Variants in LRP1B observed in about 807,000 individuals in gnomAD.
LRP1B encodes low-density lipoprotein receptor-related protein 1B.
Under a neutral mutation model 556.6 loss-of-function variants are expected in LRP1B, and 217 were observed. The ratio of observed to expected loss-of-function variants is 0.39; its 90% CI spans 0.35 to 0.44. The LOEUF (loss-of-function observed/expected upper bound fraction) is 0.44, where lower values mean the gene tolerates loss of function less well. Ranked by LOEUF, LRP1B falls within the 20% of genes least tolerant of loss-of-function variation. The pLI is 1.00. For missense variants in LRP1B, 5,053 were observed against 5,620.8 expected (o/e 0.90, Z 3.23); for synonymous variants, 2,047 against 1,865.8 (o/e 1.10, Z -2.50).
chr2:141,421,835 C>A (rs1317186042), intron 3 of LRP1B, among the ~76,000 whole-genome samples: 2 of 152,186 alleles, frequency 1.3e-5, no homozygotes, highest in African/African-American at 2.4e-5. Context: ...CCAATGATCT[C>A]ATTTTTAAGA....
At chr2:140,934,515 A>T (rs1695146588) in intron 20 of LRP1B, among the ~76,000 whole-genome samples, 1 of 152,114 alleles carries the variant, frequency 6.6e-6, no homozygotes, top group Non-Finnish European at 1.5e-5. Flanking sequence ...TAAGCCTTAG[A>T]TGGTAAATTG....
chr2:140,893,795 T>C (rs913709546), intron 23 of LRP1B, among the ~76,000 whole-genome samples: 1 of 152,164 alleles, frequency 6.6e-6, no homozygotes, highest in Admixed American at 6.5e-5. Flanking sequence ...GAACGGAATA[T>C]GTGAAGAAGA....
rs116145829 is a variant in LRP1B at position 141,826,812 on chromosome 2, A to G, written c.83-16411T>C. Among the ~76,000 whole-genome samples the G allele has an allele frequency of 2.9e-3, 448 of 152,352 alleles. 2 individuals are homozygous for G. The highest frequency in any genetic ancestry group is 0.01 in the African/African-American group (428 of 41,574). On this transcript the variant is annotated intron_variant, in intron 1 of 90. Transcript: ENST00000389484. ...TTATTTATAGAATGTTTATGCACTTAGACAAATTGCCCTCCAAATATAGAG... is the reference window on the plus strand; with the variant it reads ...TTATTTATAGAATGTTTATGCACTTGGACAAATTGCCCTCCAAATATAGAG...
At chr2:141,213,043 T>G (rs992372319) in intron 6 of LRP1B, among the ~76,000 whole-genome samples, 2 of 152,142 alleles carry the variant, frequency 1.3e-5, no homozygotes, top group South Asian at 4.1e-4. Flanking sequence ...CATGGCTCAC[T>G]GCAGCCTCAA....
intron 41 of LRP1B, among the ~76,000 whole-genome samples, chr2:140,647,709 C>G (rs1684533543): frequency 6.6e-6 from 1 of 152,134 alleles, no homozygotes; most frequent in Admixed American, 6.5e-5. Flanking sequence ...CACAGGCCAT[C>G]AGAGAAATGC....
chr2:141,698,507 A>AAG, intron 2 of LRP1B, among the ~76,000 whole-genome samples: 1 of 151,122 alleles, frequency 6.6e-6, no homozygotes, highest in East Asian at 2.0e-4. Context: ...AAAAAAAAAA[A>AAG]AGAGTTTGAC....
At chr2:140,538,979 G>A (rs2105011157) in intron 45 of LRP1B, among the ~76,000 whole-genome samples, 1 of 152,218 alleles carries the variant, frequency 6.6e-6, no homozygotes, top group East Asian at 1.9e-4. Context: ...TTCATTTGAT[G>A]AAATAGTATT....
intron 25 of LRP1B, among the ~76,000 whole-genome samples, chr2:140,868,471 T>C (rs1004255810): frequency 6.6e-6 from 1 of 151,944 alleles, no homozygotes; most frequent in Non-Finnish European, 1.5e-5. Context: ...ACTCATAAAA[T>C]ATTTTGAAAA....
intron 2 of LRP1B, among the ~76,000 whole-genome samples, chr2:141,687,157 A>C (rs1182518049): frequency 1.3e-5 from 2 of 152,002 alleles, no homozygotes; most frequent in African/African-American, 4.8e-5. Flanking sequence ...CCTAACGTTC[A>C]TTTTGAGCAA....
chr2:141,869,063 A>C (rs1698499529), intron 1 of LRP1B, among the ~76,000 whole-genome samples: 1 of 152,054 alleles, frequency 6.6e-6, no homozygotes, highest in African/African-American at 2.4e-5. Context: ...TTGCTCGGAG[A>C]GTTAATCAAA....
intron 1 of LRP1B, among the ~76,000 whole-genome samples, chr2:141,928,722 T>C (rs1488777717): frequency 6.6e-6 from 1 of 152,078 alleles, no homozygotes; most frequent in Non-Finnish European, 1.5e-5. Flanking sequence ...TTCAGGCTCA[T>C]ATGGCAGAAT....
At chr2:140,879,458 T>G (rs1349187293) in intron 25 of LRP1B, among the ~76,000 whole-genome samples, 1 of 152,140 alleles carries the variant, frequency 6.6e-6, no homozygotes. Context: ...TTTTGTCGAT[T>G]TAAGTGAGAA....
At chr2:141,093,970 G>C (rs1485162504) in intron 7 of LRP1B, among the ~76,000 whole-genome samples, 1 of 152,088 alleles carries the variant, frequency 6.6e-6, no homozygotes, top group East Asian at 1.9e-4. Context: ...GCCCGCCTTA[G>C]CCTCCCAAAA....
At chr2:140,839,922 C>A (rs1057274730) in intron 31 of LRP1B, 69 bp downstream of exon 31, 1 of 905,524 alleles carries the variant, frequency 1.1e-6, no homozygotes, top group Non-Finnish European at 1.7e-6. Context: ...GGATCTAGAT[C>A]AAAGGTATAT....
chr2:141,425,543 A>C (rs1680329969), intron 3 of LRP1B, among the ~76,000 whole-genome samples: 1 of 149,680 alleles, frequency 6.7e-6, no homozygotes, highest in African/African-American at 2.5e-5. Flanking sequence ...CCAACAGTGT[A>C]AAAGTGTTCC....
At chr2:140,897,686 C>A (rs955789838) in intron 23 of LRP1B, among the ~76,000 whole-genome samples, 2 of 152,116 alleles carry the variant, frequency 1.3e-5, no homozygotes, top group African/African-American at 4.8e-5. Context: ...AGTCTTCTGG[C>A]CTCTATCTTT....
At chr2:140,605,133 ATTGTGTACTACC>A (rs1275796568) in intron 41 of LRP1B, among the ~76,000 whole-genome samples, 1 of 152,168 alleles carries the variant, frequency 6.6e-6, no homozygotes, top group African/African-American at 2.4e-5. Context: ...GTCCTCCTTG[ATTGTGTACTACC>A]TTCTTACTTA....
intron 56 of LRP1B, among the ~76,000 whole-genome samples, chr2:140,493,155 T>C (rs1181834780): frequency 2.0e-5 from 3 of 152,152 alleles, no homozygotes; most frequent in Non-Finnish European, 1.5e-5. Flanking sequence ...CATATATATA[T>C]ACCCTTTTAC....
intron 1 of LRP1B, among the ~76,000 whole-genome samples, chr2:142,105,752 C>T (rs907623888): frequency 6.6e-6 from 1 of 152,112 alleles, no homozygotes; most frequent in African/African-American, 2.4e-5. Context: ...CACTACCTAG[C>T]AGTGATTCTT....
Sources: allele counts gnomAD v4.1 joint callset (sites outside exome capture counted in the v4.1 genomes callset), GRCh38; gene constraint gnomAD v4.1.1; transcripts MANE v1.5; gene names NCBI Gene and HGNC (gene_info 2026-07-23, HGNC 2026-07-21).